CD81: variants seen among roughly 807,000 people sequenced by gnomAD.
CD81 encodes the protein CD81 molecule.
Under a neutral mutation model 30.1 loss-of-function variants are expected in CD81, and 10 were observed. The ratio of observed to expected loss-of-function variants is 0.33; its 90% CI spans 0.21 to 0.56. The LOEUF is 0.56. Ranked by LOEUF, CD81 falls within the 20% of genes least tolerant of loss-of-function variation. The pLI, the probability that CD81 is intolerant of heterozygous loss-of-function variation, is 0.89. For missense variants in CD81, 263 were observed against 308.7 expected (o/e 0.85, Z 1.11); for synonymous variants, 147 against 126.4 (o/e 1.16, Z -1.10).
At position 2,396,703 on chromosome 11, in the gene CD81, G is replaced by A. The variant is rs373342342; in HGVS notation, c.637G>A (p.Ala213Thr). Residue 213 changes from alanine to threonine, a missense_variant, in exon 7 of 8, where the codon GCT becomes ACT. Coordinates refer to ENST00000263645, the MANE Select transcript of CD81 (RefSeq NM_004356.4). ...YLIGIAAIVV[A>T]VIMIFEMILS... ...CATCGGCATTGCTGCCATCGTGGTC[G>A]CTGTGATCATGGTGAGCGGGCGGGG... 6.8e-6 allele frequency: 11 copies of A among 1,611,598 alleles called. No homozygotes were observed. The highest frequency in any genetic ancestry group is 2.7e-5 in the African/African-American group (2 of 74,934).
intron 2 of CD81, 149 bp downstream of exon 2, chr11:2,390,675 C>G (rs555626545): frequency 1.4e-6 from 1 of 701,840 alleles, no homozygotes; most frequent in South Asian, 1.5e-5. Flanking sequence ...GCTCTGGGCA[C>G]AAGGGTTGAG....
chr11:2,396,442 G>A, intron 6 of CD81, 186 bp from the exon 7 acceptor site: 1 of 641,946 alleles, frequency 1.6e-6, no homozygotes, highest in Non-Finnish European at 2.8e-6. Context: ...TAAAACGGGT[G>A]GAAGATAGCA....
chr11:2,396,248 G>A (rs1286432638), intron 6 of CD81: 2 of 571,430 alleles, frequency 3.5e-6, no homozygotes, highest in Non-Finnish European at 3.1e-6. Flanking sequence ...GCACTCGTGG[G>A]TGTGGACGCC....
At chr11:2,393,779 TG>T in intron 2 of CD81, 1 of 611,446 alleles carries the variant, frequency 1.6e-6, no homozygotes, top group African/African-American at 1.8e-5. Context: ...GTGGTGGGTG[TG>T]GCAGGTGGCG....
chr11:2,392,221 G>C (rs971228595), intron 2 of CD81: 4 of 152,362 alleles, frequency 2.6e-5, no homozygotes, highest in Admixed American at 2.6e-4. Flanking sequence ...AGCTCCCGCT[G>C]TGGGGTCGGC....
rs770937260 is a variant in CD81, at chr11:2,390,461, C to G, written c.116C>G (p.Pro39Arg). 7.4e-6 allele frequency: 12 copies of G among 1,612,832 alleles called. No homozygotes were observed. The highest frequency in any genetic ancestry group is 1.0e-5 in the Non-Finnish European group (12 of 1,180,002). Residue 39 changes from proline to arginine, a missense_variant, in exon 2 of 8, where the codon CCG becomes CGG. Physicochemically the swap from Pro to Arg is moderately radical, Grantham distance 103. Around this residue, in one of 3 missense-constraint regions of CD81, gnomAD observed 84 missense variants for 98.2 expected, o/e 0.86. Transcript: ENST00000263645. ...LGVALWLRHD[P>R]QTTNLLYLEL... ...GTGGCCCTGTGGCTCCGCCATGACC[C>G]GCAGACCACCAACCTCCTGTATCTG...
chr11:2,389,502 G>GGCC (rs1193848600), intron 1 of CD81, among the ~76,000 whole-genome samples: 2 of 152,066 alleles, frequency 1.3e-5, no homozygotes, highest in Non-Finnish European at 2.9e-5. Context: ...CCTGGTCTGG[G>GGCC]GCCCAGTCTC....
In CD81 at chr11:2,386,265, G is replaced by A. The variant is rs148112316; in HGVS notation, c.67-4147G>A. ...AGATTGGGTTGCCAGTTTTCTTGCT[G>A]TTGAGTTTGGAAAGCTCTGCATACG... On this transcript the variant is annotated intron_variant, in intron 1 of 7. Transcript: ENST00000263645. 191 of 677,892 alleles carry A rather than the reference G, an allele frequency of 2.8e-4. No individual in the cohort carries two copies. The African/African-American group carries it at 2.9e-3, about 10-fold the overall frequency. The allele number at this position is 677,892 out of a possible 1,614,324, so 42.0% of individuals were successfully genotyped here.
In CD81 at chr11:2,397,074, G is replaced by GGA; in HGVS notation, c.*211_*212dup. On this transcript the variant is annotated 3_prime_UTR_variant, in exon 8 of 8. Coordinates refer to ENST00000263645, the MANE Select transcript of CD81 (RefSeq NM_004356.4). ...TCACATGTAGGTGGCGTGTATGAGT[G>GGA]GAGACGGGCCTGGGTCTTGGGGACT... The GGA allele has an allele frequency of 1.6e-6, 1 of 617,544 alleles. No homozygotes were observed. The highest frequency in any genetic ancestry group is 2.9e-6 in the Non-Finnish European group (1 of 342,790). The allele number at this position is 617,544 out of a possible 1,614,324, so 38.3% of individuals were successfully genotyped here. A position where few individuals can be genotyped will look rare whatever the true frequency, so the allele number is the denominator to read the frequency against.
At chr11:2,393,804 G>T (rs886781943) in intron 2 of CD81, 4 of 626,128 alleles carry the variant, frequency 6.4e-6, no homozygotes, top group Non-Finnish European at 1.2e-5. Context: ...CCCACCGCAG[G>T]TGTCATCCCT....
chr11:2,389,477 G>A (rs1227435181), intron 1 of CD81, among the ~76,000 whole-genome samples: 1 of 152,108 alleles, frequency 6.6e-6, no homozygotes, highest in Admixed American at 6.5e-5. Flanking sequence ...GATGATCAGA[G>A]TGGGCTGGGC....
intron 1 of CD81, chr11:2,379,091 G>A (rs908531193): frequency 6.7e-5 from 30 of 448,982 alleles, no homozygotes; most frequent in Middle Eastern, 3.3e-4. Context: ...CCCCAGGCCC[G>A]GCCCTGGGAC....
In CD81 at chr11:2,377,642, G is replaced by A. The variant is rs757184180; in HGVS notation, c.66+27G>A. 3.4e-6 allele frequency: 5 copies of A among 1,465,082 alleles called. No homozygotes were observed. Among genetic ancestry groups the A allele is most frequent in the Non-Finnish European group, 4.6e-6 (5 of 1,077,268 alleles). 90.8% of individuals were successfully genotyped at this position (1,465,082 alleles called of 1,614,324 possible). Reference sequence around the variant, plus strand: ...TAAGGGCTGCGCCGGGGGCCGGGGCGGGAGGGGGCAGGCACACACTCCACG... The same window carrying A: ...TAAGGGCTGCGCCGGGGGCCGGGGCAGGAGGGGGCAGGCACACACTCCACG... On this transcript the variant is annotated intron_variant, in intron 1 of 7. Transcript: ENST00000263645. This position sits in a 1 kb window ranked among gnomAD's most constrained non-coding sequence, Gnocchi z 7.7.
intron 1 of CD81, among the ~76,000 whole-genome samples, chr11:2,388,775 T>TC (rs1479978336): frequency 6.6e-6 from 1 of 151,954 alleles, no homozygotes; most frequent in African/African-American, 2.4e-5. Flanking sequence ...TCATCTCCTG[T>TC]CCCCCTGCCT....
intron 1 of CD81, among the ~76,000 whole-genome samples, chr11:2,389,093 A>G (rs1054555116): frequency 2.0e-5 from 3 of 152,122 alleles, no homozygotes; most frequent in African/African-American, 4.8e-5. Flanking sequence ...GAACTGACCA[A>G]TTGTGTCCTA....
At chr11:2,379,925 T>C (rs1374167543) in intron 1 of CD81, among the ~76,000 whole-genome samples, 2 of 152,138 alleles carry the variant, frequency 1.3e-5, no homozygotes, top group Non-Finnish European at 2.9e-5. Context: ...TCGCAGGGTG[T>C]GTGGCTGAGA....
At chr11:2,396,240 A>G in intron 6 of CD81, 1 of 574,082 alleles carries the variant, frequency 1.7e-6, no homozygotes, top group Non-Finnish European at 3.1e-6. Flanking sequence ...CCACGTGTGC[A>G]CTCGTGGGTG....
chr11:2,393,551 G>C (rs906617624), intron 2 of CD81: 10 of 344,874 alleles, frequency 2.9e-5, no homozygotes, highest in Non-Finnish European at 5.4e-5. Flanking sequence ...AGCCCAGATT[G>C]GGGGGCAGGA....
chr11:2,383,703 C>T (rs570652777), intron 1 of CD81, among the ~76,000 whole-genome samples: 1 of 152,382 alleles, frequency 6.6e-6, no homozygotes, highest in Non-Finnish European at 1.5e-5. Flanking sequence ...CCAAGAGCAT[C>T]AAGGGAGGGC....
Sources: allele counts gnomAD v4.1 joint callset (sites outside exome capture counted in the v4.1 genomes callset), GRCh38; gene constraint gnomAD v4.1.1; regional missense constraint gnomAD v4.1.1; non-coding constraint Gnocchi (gnomAD v3.1); transcripts MANE v1.5; gene names NCBI Gene and HGNC (gene_info 2026-07-23, HGNC 2026-07-21).